The following COL19A1 variants were observed in gnomAD, a reference collection of about 807,000 sequenced individuals.
The protein encoded by COL19A1 is collagen alpha-1(XIX) chain.
Under a neutral mutation model 190.2 loss-of-function variants are expected in COL19A1, and 159 were observed. The ratio of observed to expected loss-of-function variants is 0.84; its 90% CI spans 0.73 to 0.95. The LOEUF (loss-of-function observed/expected upper bound fraction) is 0.95. Ranked by LOEUF, COL19A1 falls within the 40% of genes least tolerant of loss-of-function variation. The pLI, the probability that COL19A1 is intolerant of heterozygous loss-of-function variation, is 0.00. For synonymous variants in COL19A1, 509 were observed against 458.9 expected, an observed-to-expected ratio of 1.11 and a Z score of -1.39; for missense variants, 1,418 against 1,431.9, an observed-to-expected ratio of 0.99 and a Z score of 0.16.
chr6:70,112,445 T>C (rs958408504), intron 16 of COL19A1, among the ~76,000 whole-genome samples: 1 of 152,036 alleles, frequency 6.6e-6, no homozygotes, highest in African/African-American at 2.4e-5. Flanking sequence ...GAGAGATGAG[T>C]ATGAAACATT....
chr6:69,872,454 C>T (rs979373403), intron 1 of COL19A1, among the ~76,000 whole-genome samples: 2 of 151,998 alleles, frequency 1.3e-5, no homozygotes, highest in African/African-American at 2.4e-5. Context: ...CTTAATGTCC[C>T]TCTCTATTCA....
chr6:70,158,892 C>A (rs999399553), intron 34 of COL19A1, among the ~76,000 whole-genome samples: 6 of 151,998 alleles, frequency 3.9e-5, no homozygotes. Context: ...ATGTATTTGT[C>A]TTCTTTAATG....
At position 70,144,212 on chromosome 6, in the gene COL19A1, A is replaced by T; in HGVS notation, c.1629A>T (p.Gly543=). 2 of 1,612,124 alleles carry T rather than the reference A, an allele frequency of 1.2e-6. No individual in the cohort carries two copies. Among genetic ancestry groups the T allele is most frequent in the Non-Finnish European group, 1.7e-6 (2 of 1,178,664 alleles). Residue 543 remains glycine, a splice_region_variant and synonymous_variant, in exon 24 of 51, where the codon GGA becomes GGT. Coordinates refer to ENST00000620364, the MANE Select transcript of COL19A1 (RefSeq NM_001858.6). ...MGPRGPPGDV[G]LPGEHGIPGK... Reference sequence around the variant, plus strand: ...CCTATTAACTCTGAGTTTTCTAGGGATTGCCAGGAGAACATGGTATCCCAG... The same window carrying T: ...CCTATTAACTCTGAGTTTTCTAGGGTTTGCCAGGAGAACATGGTATCCCAG...
At chr6:69,890,917 AG>A (rs1296294866) in intron 2 of COL19A1, 2 of 183,380 alleles carry the variant, frequency 1.1e-5, no homozygotes, top group African/African-American at 4.7e-5. Context: ...ATAAGGATGA[AG>A]ACTGATCTCA....
intron 12 of COL19A1, among the ~76,000 whole-genome samples, chr6:70,024,210 G>A (rs1038429675): frequency 1.3e-5 from 2 of 152,086 alleles, no homozygotes; most frequent in Non-Finnish European, 2.9e-5. Flanking sequence ...CCCTCAGGAT[G>A]GTTATCCTCC....
intron 12 of COL19A1, among the ~76,000 whole-genome samples, chr6:70,026,413 T>C (rs1028393725): frequency 3.3e-5 from 5 of 152,326 alleles, no homozygotes; most frequent in African/African-American, 9.6e-5. Context: ...GTCCTTCACA[T>C]GCCCCAATAA....
At chr6:70,112,359 C>G (rs1428481293) in intron 16 of COL19A1, among the ~76,000 whole-genome samples, 1 of 152,164 alleles carries the variant, frequency 6.6e-6, no homozygotes, top group Non-Finnish European at 1.5e-5. Context: ...TGGCAAGGCA[C>G]TCTAAAGATT....
At chr6:69,952,386 C>G (rs745817336) in intron 9 of COL19A1, among the ~76,000 whole-genome samples, 1 of 151,714 alleles carries the variant, frequency 6.6e-6, no homozygotes, top group Non-Finnish European at 1.5e-5. Flanking sequence ...AATGCAACAC[C>G]TAATGTAGAA....
At chr6:70,029,192 T>G (rs571076944) in intron 12 of COL19A1, among the ~76,000 whole-genome samples, 11 of 152,246 alleles carry the variant, frequency 7.2e-5, no homozygotes, top group African/African-American at 2.6e-4. Context: ...CATTGAAAGC[T>G]TGTGAAAAGA....
intron 42 of COL19A1, 127 bp from the exon 43 acceptor site, chr6:70,180,185 C>T (rs941077448): frequency 9.8e-7 from 1 of 1,024,080 alleles, no homozygotes; most frequent in African/African-American, 1.6e-5. Flanking sequence ...CACACCTGGC[C>T]AGAAATGCCA....
intron 2 of COL19A1, among the ~76,000 whole-genome samples, chr6:69,895,699 AC>A (rs1769683147): frequency 6.6e-6 from 1 of 151,624 alleles, no homozygotes; most frequent in Non-Finnish European, 1.5e-5. Context: ...TTCTCCAGGG[AC>A]CCCCTCCCAC....
At chr6:69,991,281 A>C (rs1310841079) in intron 11 of COL19A1, among the ~76,000 whole-genome samples, 1 of 152,012 alleles carries the variant, frequency 6.6e-6, no homozygotes, top group African/African-American at 2.4e-5. Flanking sequence ...CATTTTCTTT[A>C]TCCAGTCCAC....
rs148920062 is a variant in COL19A1, at chr6:69,972,366, T to C, written c.1026+9496T>C. 1.2e-4 allele frequency among the ~76,000 whole-genome samples: 19 copies of C among 152,328 alleles called. No homozygotes were observed. In the East Asian group the frequency reaches 3.1e-3, roughly 25 times the overall value. ...TGTTTGTCTGTTTTTCTTTCTCCAA[T>C]AGAGTAGAAGCTTCAAGAAAACAAC... On this transcript the variant is annotated intron_variant, in intron 11 of 50. Coordinates refer to ENST00000620364, the MANE Select transcript of COL19A1 (RefSeq NM_001858.6).
At chr6:70,048,600 C>T (rs1205049050) in intron 14 of COL19A1, among the ~76,000 whole-genome samples, 1 of 152,072 alleles carries the variant, frequency 6.6e-6, no homozygotes, top group East Asian at 1.9e-4. Flanking sequence ...ATTTGTACAA[C>T]TGTAGTTGTT....
At chr6:69,999,129 T>C (rs1422152903) in intron 11 of COL19A1, among the ~76,000 whole-genome samples, 3 of 151,920 alleles carry the variant, frequency 2.0e-5, no homozygotes, top group Non-Finnish European at 4.4e-5. Flanking sequence ...TTCACCATGT[T>C]GGTCAGGCTG....
At position 70,192,569 on chromosome 6, in the gene COL19A1, A is replaced by T. The variant is rs75798553; in HGVS notation, c.3094+2188A>T. Among the ~76,000 whole-genome samples the T allele has an allele frequency of 3.4e-5, 5 of 145,420 alleles. No homozygotes were observed. In the Admixed American group the frequency reaches 3.5e-4, roughly 10 times the overall value. ...TCTAAACTTTGCTTTCCAAACACTC[A>T]TTTCCCCGTCAGGAAGTTTGAAAAA... is the stretch of plus-strand genomic sequence containing the variant. On this transcript the variant is annotated intron_variant, in intron 48 of 50. Transcript: ENST00000620364.
chr6:70,200,766 G>T (rs1350375695), intron 49 of COL19A1, among the ~76,000 whole-genome samples: 1 of 152,162 alleles, frequency 6.6e-6, no homozygotes, highest in Non-Finnish European at 1.5e-5. Context: ...AGCAACATCT[G>T]TTCAGTTCCC....
At chr6:70,179,290 A>G (rs1487220536) in intron 42 of COL19A1, among the ~76,000 whole-genome samples, 1 of 152,154 alleles carries the variant, frequency 6.6e-6, no homozygotes, top group Non-Finnish European at 1.5e-5. Flanking sequence ...TGGCTTTTTC[A>G]GGTCTCAGCC....
chr6:70,110,351 T>C (rs1784215377), intron 16 of COL19A1, among the ~76,000 whole-genome samples: 1 of 152,166 alleles, frequency 6.6e-6, no homozygotes, highest in African/African-American at 2.4e-5. Flanking sequence ...GTTAAATGAC[T>C]AAAGTCTGTG....
Sources: gnomAD v4.1 joint callset for allele counts (sites outside exome capture counted in the v4.1 genomes callset) on GRCh38, gnomAD v4.1.1 for gene constraint, MANE v1.5 for transcripts, NCBI Gene and HGNC (gene_info 2026-07-23, HGNC 2026-07-21) for gene names.